The following SRFBP1 variants were observed in gnomAD, a reference collection of about 807,000 sequenced individuals.
SRFBP1 encodes serum response factor binding protein 1, also known as serum response factor-binding protein 1.
In SRFBP1, 47 loss-of-function variants were observed where a neutral mutation model predicts 45.5. The ratio of observed to expected loss-of-function variants is 1.03; its 90% CI spans 0.82 to 1.32. The LOEUF is 1.32. Among genes scored for constraint, SRFBP1 ranks in the 40% most tolerant of loss-of-function variants. SRFBP1 has a pLI of 0.00. For synonymous variants in SRFBP1, 203 were observed against 166.3 expected (o/e 1.22, Z -1.70); for missense variants, 621 against 484.6 (o/e 1.28, Z -2.64).
In SRFBP1 at chr5:122,008,916, G is replaced by A. The variant is rs116208708; in HGVS notation, c.271-10344G>A. The stretch of plus-strand genomic sequence containing the variant: ...TTTCTTATTGCTTATGAAATAACGT[G>A]AGTTTTGGGAGCTCTGGCTAGGAAC... On this transcript the variant is annotated intron_variant, in intron 4 of 7. Coordinates refer to ENST00000339397, the MANE Select transcript of SRFBP1 (RefSeq NM_152546.3). Among the ~76,000 whole-genome samples the A allele has an allele frequency of 5.0e-3, 766 of 152,224 alleles. 10 individuals are homozygous for A. Among genetic ancestry groups the A allele is most frequent in the African/African-American group, 0.017 (723 of 41,532 alleles).
intron 4 of SRFBP1, among the ~76,000 whole-genome samples, chr5:122,012,593 T>A (rs964583504): frequency 9.9e-5 from 15 of 152,074 alleles, no homozygotes; most frequent in Admixed American, 6.5e-5. Context: ...TAACATGTCA[T>A]CAAGACGAAA....
At chr5:121,970,782 T>C (rs182922877) in intron 1 of SRFBP1, among the ~76,000 whole-genome samples, 1 of 152,270 alleles carries the variant, frequency 6.6e-6, no homozygotes, top group East Asian at 1.9e-4. Flanking sequence ...CTGTGTGCCA[T>C]GCACTATGTT....
At chr5:121,983,149 T>TG (rs1752445409) in intron 3 of SRFBP1, among the ~76,000 whole-genome samples, 1 of 150,470 alleles carries the variant, frequency 6.6e-6, no homozygotes, top group Non-Finnish European at 1.5e-5. Context: ...ATGTTCTTTT[T>TG]GTTTTTTTTT....
chr5:122,032,265 GTT>G (rs55902217), downstream of SRFBP1, among the ~76,000 whole-genome samples: 4 of 146,670 alleles, frequency 2.7e-5, no homozygotes, highest in South Asian at 2.2e-4. Context: ...ATCCTTGGTA[GTT>G]TTTTTTTTTT....
downstream of SRFBP1, chr5:122,077,701 G>T (rs1482852451): frequency 1.9e-6 from 3 of 1,594,736 alleles, no homozygotes; most frequent in Admixed American, 1.7e-5. This position sits in a 1 kb window ranked among gnomAD's most constrained non-coding sequence, Gnocchi z 4.9. Context: ...TGCGGTTGTC[G>T]CGGATCAGCA....
At chr5:121,994,792 C>A in intron 4 of SRFBP1, 122 bp downstream of exon 4, 1 of 614,130 alleles carries the variant, frequency 1.6e-6, no homozygotes, top group Non-Finnish European at 2.7e-6. Context: ...GTTTTCCTAA[C>A]TGAACTCCAT....
chr5:121,978,483 A>G (rs1006695235), intron 3 of SRFBP1, among the ~76,000 whole-genome samples: 4 of 152,138 alleles, frequency 2.6e-5, no homozygotes, highest in East Asian at 1.9e-4. Flanking sequence ...ACAGTAGCCT[A>G]TATCTGTATT....
At position 122,011,894 on chromosome 5, in the gene SRFBP1, A is replaced by T. The variant is rs1344264858; in HGVS notation, c.271-7366A>T. Among the ~76,000 whole-genome samples the T allele has an allele frequency of 2.6e-5, 4 of 152,144 alleles. No homozygotes were observed. In the East Asian group the frequency reaches 7.7e-4, roughly 29 times the overall value. On this transcript the variant is annotated intron_variant, in intron 4 of 7. Coordinates refer to ENST00000339397, the MANE Select transcript of SRFBP1 (RefSeq NM_152546.3). ...TGCAACAGAGACCCAAAACACTGCC[A>T]AGGGAATAAACCTGAGCCCATCTGC... is the stretch of plus-strand genomic sequence containing the variant.
At chr5:121,969,239 C>T (rs1304508707) in intron 1 of SRFBP1, among the ~76,000 whole-genome samples, 1 of 152,134 alleles carries the variant, frequency 6.6e-6, no homozygotes, top group Non-Finnish European at 1.5e-5. Context: ...AATAAATGCT[C>T]ACATTGTAAA....
chr5:121,995,313 T>C (rs1752698961), intron 4 of SRFBP1, among the ~76,000 whole-genome samples: 1 of 152,006 alleles, frequency 6.6e-6, no homozygotes, highest in African/African-American at 2.4e-5. Context: ...TAACAAACTG[T>C]CTCTCAGACT....
chr5:122,020,449 A>G lies in SRFBP1; in HGVS notation c.714A>G (p.Gly238=). 1.9e-6 allele frequency: 3 copies of G among 1,614,112 alleles called. No individual in the cohort carries two copies. The highest frequency in any genetic ancestry group is 2.5e-6 in the Non-Finnish European group (3 of 1,179,978). Reference sequence around the variant, plus strand: ...TAAGTCAAACCAAAAAAAACAAAGGATCTGATAGCTCACTCTCTGGTAACA... The same window carrying G: ...TAAGTCAAACCAAAAAAAACAAAGGGTCTGATAGCTCACTCTCTGGTAACA... ...KTLSQTKKNK[G]SDSSLSGNSD... is the part of the protein sequence containing the mutation. The change falls in exon 6 of 8, where the codon GGA becomes GGG. Residue 238 remains glycine (G), a synonymous_variant. Transcript: ENST00000339397.
At chr5:122,031,335 C>T (rs1208029714), downstream of SRFBP1, among the ~76,000 whole-genome samples, 1 of 152,010 alleles carries the variant, frequency 6.6e-6, no homozygotes, top group Non-Finnish European at 1.5e-5. Context: ...CCAATTTTCA[C>T]CAAAAAATTA....
rs183193849 is a variant in SRFBP1, at chr5:121,986,573, C to T, written c.199-8026C>T. Among the ~76,000 whole-genome samples the T allele has an allele frequency of 2.1e-4, 32 of 152,092 alleles. 1 individual carries two copies. The highest frequency in any genetic ancestry group is 1.8e-3 in the Admixed American group (28 of 15,260). Reference sequence around the variant, plus strand: ...AACAAATACATGATCAATGTGGTTGCGATTCATTGCTGTCAGTATTCTTTT... The same window carrying T: ...AACAAATACATGATCAATGTGGTTGTGATTCATTGCTGTCAGTATTCTTTT... On this transcript the variant is annotated intron_variant, in intron 3 of 7. Transcript: ENST00000339397.
At position 121,994,604 on chromosome 5, in the gene SRFBP1, G is replaced by C; in HGVS notation, c.204G>C (p.Leu68Phe). The part of the protein sequence containing the change: ...LLEEIHAMKE[L>F]KPDIVTKSAL... ...TTTGTTTTATTCTTTCACAGGAATT[G>C]AAACCTGACATAGTAACTAAATCTG... The change falls in exon 4 of 8, where the codon TTG becomes TTC. Residue 68 changes from leucine (L) to phenylalanine (F), a missense_variant. By Grantham distance (22) the Leu-to-Phe change is conservative (BLOSUM62 0). Transcript: ENST00000339397. The C allele has an allele frequency of 6.3e-7, 1 of 1,592,312 alleles. No homozygotes were observed. The highest frequency in any genetic ancestry group is 1.2e-5 in the South Asian group (1 of 86,750).
chr5:122,020,499 A>G lies in SRFBP1; in HGVS notation c.764A>G (p.Glu255Gly). 6.2e-7 allele frequency: 1 copy of G among 1,614,154 alleles called. No individual in the cohort carries two copies. The highest frequency in any genetic ancestry group is 2.2e-5 in the East Asian group (1 of 44,864). Residue 255 changes from glutamate (E) to glycine (G), a missense_variant, in exon 6 of 8, where the codon GAA becomes GGA. Transcript: ENST00000339397. ...AGTGATGGCGGAGAAGAATTTTGTG[A>G]AGAGGAGAAGGAATATTTTGATGAT... is the stretch of plus-strand genomic sequence containing the variant. ...GNSDGGEEFC[E>G]EEKEYFDDST...
Position 121,998,454 on chromosome 5 carries a change from G to A in SRFBP1, c.270+3784G>A, listed in dbSNP as rs575525995. Among the ~76,000 whole-genome samples, 651 of 137,390 alleles carry A rather than the reference G, an allele frequency of 4.7e-3. 7 individuals are homozygous for A. Among genetic ancestry groups the A allele is most frequent in the African/African-American group, 0.017 (612 of 36,576 alleles). 90.1% of individuals were successfully genotyped at this position (137,390 alleles called of 152,430 possible). On this transcript the variant is annotated intron_variant, in intron 4 of 7. Transcript: ENST00000339397. ...ACCGCATATTCTCACTCATAGGTGG[G>A]AATTGAACAATGAGATCACATGGAC...
intron 2 of SRFBP1, among the ~76,000 whole-genome samples, chr5:122,055,868 A>C (rs73285768): frequency 0.034 from 5,243 of 152,282 alleles, 318 homozygotes; most frequent in African/African-American, 0.12. Flanking sequence ...TTAACATTGA[A>C]GTTACCTCTC....
At position 122,062,848 on chromosome 5, in the gene SRFBP1, T is replaced by C. The variant is rs568289616; in HGVS notation, n.312-12467T>C. Among the ~76,000 whole-genome samples the C allele has an allele frequency of 2.2e-3, 330 of 152,026 alleles. 2 individuals are homozygous for C. Among genetic ancestry groups the C allele is most frequent in the African/African-American group, 7.7e-3 (318 of 41,526 alleles). On this transcript the variant is annotated intron_variant and non_coding_transcript_variant, in intron 2 of 2. Transcript: ENST00000504881. ...CAATGTGTCTCTTTATACAAATAAT[T>C]TGTAGCTAGAATTAGATGTGTGTGT...
chr5:122,026,136 A>T (rs1190048976), intron 7 of SRFBP1, among the ~76,000 whole-genome samples: 1 of 152,212 alleles, frequency 6.6e-6, no homozygotes, highest in Non-Finnish European at 1.5e-5. Context: ...GCAATGGAGA[A>T]ATTACATAGT....
Sources: allele counts gnomAD v4.1 joint callset (sites outside exome capture counted in the v4.1 genomes callset), GRCh38; gene constraint gnomAD v4.1.1; non-coding constraint Gnocchi (gnomAD v3.1); transcripts MANE v1.5; gene names NCBI Gene and HGNC (gene_info 2026-07-23, HGNC 2026-07-21).